The following NBAS variants were observed in gnomAD, a reference collection of about 807,000 sequenced individuals.
NBAS encodes the protein NAG/BC035112 fusion.
In NBAS, 219 loss-of-function variants were observed where a neutral mutation model predicts 302.5. That is an observed-to-expected ratio of 0.72 (90% CI 0.65 to 0.81). The LOEUF is 0.81. Among genes scored for constraint, NBAS ranks in the 30% least tolerant of loss-of-function variants. The pLI is 0.00. For synonymous variants in NBAS, 1,118 were observed against 1,021.6 expected (o/e 1.09, Z -1.80); for missense variants, 2,932 against 2,841.6 (o/e 1.03, Z -0.72).
At chr2:15,009,506 TC>T in the NBAS span, among the ~76,000 whole-genome samples, 1 of 151,414 alleles carries the variant, frequency 6.6e-6, no homozygotes, top group Admixed American at 6.6e-5. Flanking sequence ...TCAAGTGGGC[TC>T]AGTAAATAAT....
At chr2:15,024,993 T>C in the NBAS span, among the ~76,000 whole-genome samples, 2 of 152,230 alleles carry the variant, frequency 1.3e-5, no homozygotes, top group African/African-American at 4.8e-5. Flanking sequence ...CAATGCTTGC[T>C]TCTGTTGCAA....
At chr2:15,296,579 G>C (rs1386151164) in intron 40 of NBAS, among the ~76,000 whole-genome samples, 4 of 151,732 alleles carry the variant, frequency 2.6e-5, no homozygotes, top group Non-Finnish European at 5.9e-5. Flanking sequence ...TCCAGGTGTA[G>C]AAAGAAGGAT....
At chr2:15,106,786 G>A in the NBAS span, among the ~76,000 whole-genome samples, 1 of 152,080 alleles carries the variant, frequency 6.6e-6, no homozygotes, top group Non-Finnish European at 1.5e-5. Context: ...GGGAGCATTA[G>A]GAGGGGTGGG....
At chr2:15,142,122 T>C in the NBAS span, among the ~76,000 whole-genome samples, 3 of 152,150 alleles carry the variant, frequency 2.0e-5, no homozygotes, top group African/African-American at 4.8e-5. Flanking sequence ...TTCAGAACGA[T>C]GATATTCAGA....
At chr2:14,994,313 A>G in the NBAS span, among the ~76,000 whole-genome samples, 1 of 152,176 alleles carries the variant, frequency 6.6e-6, no homozygotes, top group African/African-American at 2.4e-5. Flanking sequence ...TGGTGAAGGG[A>G]TTGTTTCCAG....
At chr2:15,033,228 T>A in the NBAS span, among the ~76,000 whole-genome samples, 3 of 152,204 alleles carry the variant, frequency 2.0e-5, no homozygotes, top group African/African-American at 4.8e-5. Flanking sequence ...TACTCCTTTC[T>A]TTTTCCTATT....
In NBAS at chr2:15,379,975, A is replaced by G. The variant is rs1188611054; in HGVS notation, c.3361-144T>C. 39 of 686,780 alleles carry G rather than the reference A, an allele frequency of 5.7e-5. 1 individual carries two copies. The highest frequency in any genetic ancestry group is 7.5e-6 in the Non-Finnish European group (3 of 399,148). 42.5% of individuals were successfully genotyped at this position (686,780 alleles called of 1,614,324 possible). A position where few individuals can be genotyped will look rare whatever the true frequency, so the allele number is the denominator to read the frequency against. The stretch of plus-strand genomic sequence containing the variant: ...GCTGCACAGCACTGTAAATGTACTA[A>G]ATGACAATGAACTGTATACTTTGAA... On this transcript the variant is annotated intron_variant, in intron 29 of 51. Transcript: ENST00000281513.
chr2:15,495,517 G>T (rs1168304769), intron 11 of NBAS, among the ~76,000 whole-genome samples: 1 of 152,046 alleles, frequency 6.6e-6, no homozygotes, highest in Non-Finnish European at 1.5e-5. Flanking sequence ...GAGAAAAAGA[G>T]ACTTAAAACA....
chr2:15,491,765 A>C (rs1437765525), intron 11 of NBAS, among the ~76,000 whole-genome samples: 3 of 152,050 alleles, frequency 2.0e-5, no homozygotes, highest in African/African-American at 7.2e-5. Context: ...GAAAAAGAAA[A>C]ATACACAGGT....
intron 21 of NBAS, among the ~76,000 whole-genome samples, chr2:15,449,763 GAT>G (rs1678921445): frequency 6.6e-6 from 1 of 152,140 alleles, no homozygotes; most frequent in African/African-American, 2.4e-5. Context: ...GTTATTCTTA[GAT>G]TCAGGAACTG....
At chr2:15,248,955 T>A (rs1558473635) in intron 44 of NBAS, among the ~76,000 whole-genome samples, 1 of 152,156 alleles carries the variant, frequency 6.6e-6, no homozygotes. Flanking sequence ...TAACTCATTT[T>A]ATGAGGTCAG....
At chr2:14,909,617 C>T in the NBAS span, among the ~76,000 whole-genome samples, 1 of 152,298 alleles carries the variant, frequency 6.6e-6, no homozygotes, top group South Asian at 2.1e-4. Flanking sequence ...GTCTCACATG[C>T]TGTTGTAGGA....
chr2:15,403,412 T>C (rs946295040), intron 25 of NBAS, among the ~76,000 whole-genome samples: 1 of 152,306 alleles, frequency 6.6e-6, no homozygotes. Flanking sequence ...CAACCAGCCA[T>C]GTATCCAAAA....
chr2:15,541,599 G>A, intron 6 of NBAS, among the ~76,000 whole-genome samples: 1 of 151,998 alleles, frequency 6.6e-6, no homozygotes, highest in Non-Finnish European at 1.5e-5. Context: ...AGGTCATTCA[G>A]CATGGATAAG....
chr2:15,100,278 G>C, the NBAS span, among the ~76,000 whole-genome samples: 16 of 152,256 alleles, frequency 1.1e-4, no homozygotes, highest in African/African-American at 3.6e-4. Context: ...AATAGTAACT[G>C]TTCTACAGGA....
At chr2:15,098,354 G>T in the NBAS span, among the ~76,000 whole-genome samples, 3,749 of 5,994 alleles carry the variant, frequency 0.63, 1,637 homozygotes, top group Non-Finnish European at 0.68. Context: ...TATAATATAT[G>T]ATATATTGTA....
the NBAS span, among the ~76,000 whole-genome samples, chr2:14,865,001 G>A: frequency 1.3e-5 from 2 of 152,122 alleles, no homozygotes; most frequent in African/African-American, 4.8e-5. Context: ...TTCAATCAGA[G>A]CAACTCAGCT....
chr2:15,433,519 TG>T (rs1677862742), intron 21 of NBAS, among the ~76,000 whole-genome samples: 1 of 152,198 alleles, frequency 6.6e-6, no homozygotes, highest in Non-Finnish European at 1.5e-5. Flanking sequence ...ATTATATCAA[TG>T]ATTACATTTC....
At chr2:14,963,460 C>A in the NBAS span, among the ~76,000 whole-genome samples, 67 of 152,168 alleles carry the variant, frequency 4.4e-4, 1 homozygote, top group East Asian at 3.9e-3. Context: ...ATTTGCCAAC[C>A]CTTGGTGTAA....
Sources: allele counts gnomAD v4.1 joint callset (sites outside exome capture counted in the v4.1 genomes callset), GRCh38; gene constraint gnomAD v4.1.1; transcripts MANE v1.5; gene names NCBI Gene and HGNC (gene_info 2026-07-23, HGNC 2026-07-21).